Variants in FBXL17 observed in about 807,000 individuals in gnomAD.
The protein encoded by FBXL17 is F-box/LRR-repeat protein 17.
A neutral mutation model predicts 66.2 loss-of-function variants in FBXL17; 22 were observed. The ratio of observed to expected loss-of-function variants is 0.33; its 90% CI spans 0.24 to 0.47. The LOEUF is 0.47. Ranked by LOEUF, FBXL17 falls within the 20% of genes least tolerant of loss-of-function variation. The pLI, the probability that FBXL17 is intolerant of heterozygous loss-of-function variation, is 1.00. For synonymous variants in FBXL17, 474 were observed against 400.5 expected (o/e 1.18, Z -2.19); for missense variants, 878 against 948.2 (o/e 0.93, Z 0.97).
chr5:107,958,591 C>T (rs572568080), intron 7 of FBXL17, among the ~76,000 whole-genome samples: 2 of 152,154 alleles, frequency 1.3e-5, no homozygotes, highest in Non-Finnish European at 2.9e-5. Context: ...ATAGATAGCT[C>T]TTATGTGCTC....
At chr5:108,055,134 A>C (rs925368133) in intron 6 of FBXL17, among the ~76,000 whole-genome samples, 7 of 151,966 alleles carry the variant, frequency 4.6e-5, no homozygotes, top group Admixed American at 3.9e-4. Flanking sequence ...TTTTAAATTC[A>C]ATATTGTTCC....
intron 7 of FBXL17, among the ~76,000 whole-genome samples, chr5:107,905,669 G>GTA (rs1749730978): frequency 6.6e-6 from 1 of 152,128 alleles, no homozygotes; most frequent in African/African-American, 2.4e-5. Flanking sequence ...CTATGTGCAT[G>GTA]TATGTATATA....
chr5:108,023,708 T>C (rs1028208237), intron 6 of FBXL17, among the ~76,000 whole-genome samples: 3 of 152,202 alleles, frequency 2.0e-5, no homozygotes, highest in African/African-American at 7.2e-5. Flanking sequence ...TTGGCTCTAG[T>C]CATAACCTTT....
chr5:107,869,026 C>T (rs1309349750), intron 8 of FBXL17, among the ~76,000 whole-genome samples: 1 of 152,142 alleles, frequency 6.6e-6, no homozygotes, highest in African/African-American at 2.4e-5. Context: ...AGAAGATGGA[C>T]CCCTTTATTT....
At chr5:108,007,067 A>G (rs1450921873) in intron 7 of FBXL17, among the ~76,000 whole-genome samples, 1 of 152,186 alleles carries the variant, frequency 6.6e-6, no homozygotes, top group Non-Finnish European at 1.5e-5. Context: ...TTGCCTCAGT[A>G]TGGTTAAAAT....
chr5:107,936,897 G>A (rs1213631176), intron 7 of FBXL17, among the ~76,000 whole-genome samples: 2 of 151,902 alleles, frequency 1.3e-5, no homozygotes, highest in African/African-American at 4.8e-5. Flanking sequence ...CCATAAACTT[G>A]TCTTTCACAC....
At chr5:108,023,833 T>C (rs559100666) in intron 6 of FBXL17, among the ~76,000 whole-genome samples, 5 of 152,170 alleles carry the variant, frequency 3.3e-5, no homozygotes, top group Admixed American at 6.6e-5. Context: ...ATTTATAAAC[T>C]GATACCAATA....
At chr5:108,336,191 A>AT (rs2150247899) in intron 4 of FBXL17, among the ~76,000 whole-genome samples, 1 of 152,300 alleles carries the variant, frequency 6.6e-6, no homozygotes, top group African/African-American at 2.4e-5. Context: ...TATATAGAGT[A>AT]TTTTTTAAAA....
chr5:108,002,767 T>C (rs1183320112), intron 7 of FBXL17, among the ~76,000 whole-genome samples: 4 of 152,146 alleles, frequency 2.6e-5, no homozygotes, highest in Non-Finnish European at 4.4e-5. Context: ...TGCCACAACA[T>C]AGATGAATCT....
In FBXL17 at chr5:108,367,946, G is replaced by A; in HGVS notation, c.1001C>T (p.Ser334Phe). The change falls in exon 2 of 9, where the codon TCC becomes TTC. Residue 334 changes from serine to phenylalanine, a missense_variant. By Grantham distance (155) the Ser-to-Phe change is radical. This residue lies in a region of FBXL17 where 605 missense variants were observed against 509.5 expected (regional missense o/e 1.19). Transcript: ENST00000542267. ...GCAACGCTCATCCAGTGACAAATTGGAAAATATCTGTGAATAAAAAACGGT... is the reference window on the plus strand; with the variant it reads ...GCAACGCTCATCCAGTGACAAATTGAAAAATATCTGTGAATAAAAAACGGT... The part of the protein sequence containing the change: ...LPPSILLKIF[S>F]NLSLDERCLS... 1 of 1,550,006 alleles carries A rather than the reference G, an allele frequency of 6.5e-7. No individual in the cohort carries two copies. Among genetic ancestry groups the A allele is most frequent in the Non-Finnish European group, 8.7e-7 (1 of 1,146,002 alleles).
chr5:108,131,621 C>T (rs1292516015), intron 6 of FBXL17, among the ~76,000 whole-genome samples: 2 of 152,052 alleles, frequency 1.3e-5, no homozygotes, highest in African/African-American at 2.4e-5. Context: ...CAGCAAGAGA[C>T]CACTTTTTCA....
At chr5:108,190,254 A>G (rs1753417328) in intron 5 of FBXL17, among the ~76,000 whole-genome samples, 1 of 152,238 alleles carries the variant, frequency 6.6e-6, no homozygotes, top group Non-Finnish European at 1.5e-5. Context: ...ACAAAAGCAC[A>G]GAGTGAGAGG....
chr5:107,997,964 C>T (rs1753547055), intron 7 of FBXL17, among the ~76,000 whole-genome samples: 1 of 152,060 alleles, frequency 6.6e-6, no homozygotes, highest in Non-Finnish European at 1.5e-5. Context: ...AGTTTTAACA[C>T]TACAGAAGGT....
rs558042380 is a variant in FBXL17 at position 108,354,317 on chromosome 5, A to G, written c.1375-5787T>C. Reference sequence around the variant, plus strand: ...CTACAATTAATATGTTAAGAGCTTTAATGGGAAAAGTAGGCAACACGCAAG... The same window carrying G: ...CTACAATTAATATGTTAAGAGCTTTGATGGGAAAAGTAGGCAACACGCAAG... On this transcript the variant is annotated intron_variant, in intron 3 of 8. Transcript: ENST00000542267. 3.9e-5 allele frequency among the ~76,000 whole-genome samples: 6 copies of G among 152,306 alleles called. No homozygotes were observed. The East Asian group carries it at 9.6e-4, about 24-fold the overall frequency.
chr5:108,047,793 C>T (rs1449865283), intron 6 of FBXL17, among the ~76,000 whole-genome samples: 2 of 152,150 alleles, frequency 1.3e-5, no homozygotes, highest in African/African-American at 4.8e-5. Context: ...ACCTAGATCT[C>T]CCTGGGCCTG....
chr5:108,145,862 G>A (rs1487739337), intron 6 of FBXL17, among the ~76,000 whole-genome samples: 1 of 147,304 alleles, frequency 6.8e-6, no homozygotes. Flanking sequence ...TCATTACAAT[G>A]TAGAGATAAT....
In FBXL17 at chr5:108,085,456, G is replaced by C. The variant is rs182133523; in HGVS notation, c.1746-64455C>G. 2.5e-3 allele frequency among the ~76,000 whole-genome samples: 379 copies of C among 152,250 alleles called. 1 individual carries two copies. Among genetic ancestry groups the C allele is most frequent in the African/African-American group, 8.8e-3 (365 of 41,536 alleles). ...CCAGGAAAAGTTGACTCCACTGGTG[G>C]CTCCAAGAATAGATGGCTGAGCGTA... On this transcript the variant is annotated intron_variant, in intron 6 of 8. Transcript: ENST00000542267.
intron 4 of FBXL17, among the ~76,000 whole-genome samples, chr5:108,244,282 T>C (rs1467121416): frequency 2.0e-5 from 3 of 152,316 alleles, no homozygotes; most frequent in South Asian, 2.1e-4. Context: ...ATAATTCTTA[T>C]ATTAATTTAA....
chr5:108,057,466 G>A (rs987321069), intron 6 of FBXL17, among the ~76,000 whole-genome samples: 1 of 152,030 alleles, frequency 6.6e-6, no homozygotes, highest in Non-Finnish European at 1.5e-5. Context: ...TCCCATTTAA[G>A]GGTCCCAAAG....
Sources: gnomAD v4.1 joint callset for allele counts (sites outside exome capture counted in the v4.1 genomes callset) on GRCh38, gnomAD v4.1.1 for gene constraint, gnomAD v4.1.1 regional missense constraint, MANE v1.5 for transcripts, NCBI Gene and HGNC (gene_info 2026-07-23, HGNC 2026-07-21) for gene names.